RAPGEF2: variants seen among roughly 807,000 people sequenced by gnomAD.
The protein encoded by RAPGEF2 is Rap guanine nucleotide exchange factor 2.
A neutral mutation model predicts 186.7 loss-of-function variants in RAPGEF2; 54 were observed. That is an observed-to-expected ratio of 0.29 (90% confidence interval 0.23 to 0.36). RAPGEF2 has a LOEUF of 0.36. Among genes scored for constraint, RAPGEF2 ranks in the 10% least tolerant of loss-of-function variants. The pLI, the probability that RAPGEF2 is intolerant of heterozygous loss-of-function variation, is 1.00. For synonymous variants in RAPGEF2, 712 were observed against 705.9 expected (o/e 1.01, Z -0.14); for missense variants, 1,532 against 2,045.0 (o/e 0.75, Z 4.84).
chr4:159,206,836 C>A (rs1165885947), intron 3 of RAPGEF2, among the ~76,000 whole-genome samples: 1 of 152,194 alleles, frequency 6.6e-6, no homozygotes, highest in African/African-American at 2.4e-5. Context: ...AACATGAATT[C>A]TATGGGGGAT....
Position 159,314,787 on chromosome 4 carries a change from A to G in RAPGEF2, c.853+19A>G. The G allele has an allele frequency of 6.4e-7, 1 of 1,565,744 alleles. No individual in the cohort carries two copies. Among genetic ancestry groups the G allele is most frequent in the African/African-American group, 1.4e-5 (1 of 72,116 alleles). ...GACATTGGTAAGCTTGAACAGGAAA[A>G]TGAATCTACGAGCAATTAAAAAGAT... On this transcript the variant is annotated intron_variant, in intron 9 of 29. Coordinates refer to ENST00000691494, the MANE Select transcript of RAPGEF2 (RefSeq NM_001394067.2).
intron 26 of RAPGEF2, chr4:159,350,985 T>C (rs1731088864): frequency 3.5e-6 from 5 of 1,423,976 alleles, no homozygotes; most frequent in Non-Finnish European, 3.8e-6. Flanking sequence ...CATCTGTGCA[T>C]TTTGTATGGG....
chr4:159,356,258 G>A (rs1321985724), intron 29 of RAPGEF2, 100 bp downstream of exon 29: 2 of 1,235,910 alleles, frequency 1.6e-6, no homozygotes, highest in Admixed American at 2.3e-5. Context: ...AGTCAGCTAT[G>A]TCTAACCATA....
chr4:159,266,514 A>G (rs537582539), intron 7 of RAPGEF2, among the ~76,000 whole-genome samples: 1 of 152,314 alleles, frequency 6.6e-6, no homozygotes, highest in South Asian at 2.1e-4. Context: ...TTAAGAGTTT[A>G]TAATAGAATA....
intron 19 of RAPGEF2, among the ~76,000 whole-genome samples, chr4:159,339,732 G>A (rs192138216): frequency 1.1e-4 from 17 of 152,244 alleles, no homozygotes; most frequent in East Asian, 7.7e-4. Flanking sequence ...GTATATGTAC[G>A]TTCACAAACA....
At chr4:159,356,239 T>C in intron 29 of RAPGEF2, 81 bp downstream of exon 29, 1 of 1,379,600 alleles carries the variant, frequency 7.2e-7, no homozygotes, top group South Asian at 1.4e-5. Flanking sequence ...TCTGTTCTCT[T>C]AACACTGCAG....
intron 7 of RAPGEF2, chr4:159,282,676 T>C: frequency 2.2e-6 from 1 of 448,952 alleles, no homozygotes; most frequent in Non-Finnish European, 4.4e-6. Flanking sequence ...CTTGCCTTTC[T>C]GGTTAACCTT....
intron 3 of RAPGEF2, among the ~76,000 whole-genome samples, chr4:159,198,621 GT>G (rs1188157857): frequency 6.6e-6 from 1 of 150,682 alleles, no homozygotes; most frequent in Non-Finnish European, 1.5e-5. Flanking sequence ...AATTTTTGTA[GT>G]TTTAGTAGTG....
chr4:159,289,318 T>C (rs1358503280), intron 7 of RAPGEF2, among the ~76,000 whole-genome samples: 1 of 152,188 alleles, frequency 6.6e-6, no homozygotes, highest in African/African-American at 2.4e-5. Context: ...AGATCTATGA[T>C]AGGAAGTTAA....
At chr4:159,249,875 T>A (rs181708064) in intron 7 of RAPGEF2, among the ~76,000 whole-genome samples, 86 of 152,302 alleles carry the variant, frequency 5.6e-4, no homozygotes, top group Non-Finnish European at 6.5e-4. Flanking sequence ...TTAACATTTT[T>A]ATGATACAGC....
intron 1 of RAPGEF2, among the ~76,000 whole-genome samples, chr4:159,108,560 A>G (rs1738152175): frequency 6.6e-6 from 1 of 152,062 alleles, no homozygotes; most frequent in Non-Finnish European, 1.5e-5. Context: ...GAAAGAAAAT[A>G]TTGTTTGCGT....
Position 159,154,600 on chromosome 4 carries a change from T to C in RAPGEF2, c.70-32042T>C, listed in dbSNP as rs570948656. 2.0e-5 allele frequency among the ~76,000 whole-genome samples: 3 copies of C among 152,136 alleles called. No individual in the cohort carries two copies. The East Asian group carries it at 5.8e-4, about 29-fold the overall frequency. ...TATTTAGCATTTAAGATCAAATGGTTAGTGATTGATGTTTAGCTATGTTAT... is the reference window on the plus strand; with the variant it reads ...TATTTAGCATTTAAGATCAAATGGTCAGTGATTGATGTTTAGCTATGTTAT... On this transcript the variant is annotated intron_variant, in intron 1 of 29. Transcript: ENST00000691494.
At chr4:159,171,995 C>T (rs1178586668) in intron 1 of RAPGEF2, among the ~76,000 whole-genome samples, 2 of 151,714 alleles carry the variant, frequency 1.3e-5, no homozygotes, top group Non-Finnish European at 2.9e-5. Flanking sequence ...GAACTACTAT[C>T]TAGTATCAAT....
intron 1 of RAPGEF2, among the ~76,000 whole-genome samples, chr4:159,120,761 A>G (rs535526879): frequency 1.3e-5 from 2 of 152,198 alleles, no homozygotes; most frequent in Admixed American, 1.3e-4. Context: ...TTTTCTTTAA[A>G]ATTGATTAAC....
intron 7 of RAPGEF2, among the ~76,000 whole-genome samples, chr4:159,280,906 ATTTAC>A (rs941372869): frequency 6.6e-6 from 1 of 151,868 alleles, no homozygotes; most frequent in African/African-American, 2.4e-5. Context: ...AAAGTACTTT[ATTTAC>A]CAAGGACCTT....
intron 7 of RAPGEF2, among the ~76,000 whole-genome samples, chr4:159,284,999 G>A (rs548003100): frequency 6.6e-6 from 1 of 152,230 alleles, no homozygotes; most frequent in South Asian, 2.1e-4. Flanking sequence ...ACTGCAATGA[G>A]CCATGTTCCA....
At chr4:159,181,916 T>C (rs767231235) in intron 1 of RAPGEF2, among the ~76,000 whole-genome samples, 2 of 152,224 alleles carry the variant, frequency 1.3e-5, no homozygotes, top group Non-Finnish European at 2.9e-5. Context: ...TGGTGAACTT[T>C]AGGATTATCC....
At chr4:159,238,908 A>G (rs555749040) in intron 5 of RAPGEF2, 24 bp downstream of exon 5, 217 of 1,416,038 alleles carry the variant, frequency 1.5e-4, no homozygotes, top group East Asian at 1.2e-3. Flanking sequence ...TGTGAGGACT[A>G]TTTTTCCCCT....
chr4:159,228,670 A>C (rs1337566766), intron 4 of RAPGEF2, among the ~76,000 whole-genome samples: 1 of 152,194 alleles, frequency 6.6e-6, no homozygotes, highest in Non-Finnish European at 1.5e-5. Flanking sequence ...ATACTTCTGA[A>C]ATAGAAGCCG....
Sources: gnomAD v4.1 joint callset for allele counts (sites outside exome capture counted in the v4.1 genomes callset) on GRCh38, gnomAD v4.1.1 for gene constraint, MANE v1.5 for transcripts, NCBI Gene and HGNC (gene_info 2026-07-23, HGNC 2026-07-21) for gene names.